The following BICD1 variants were observed in gnomAD, a reference collection of about 807,000 sequenced individuals.
BICD1 encodes the protein BICD cargo adaptor 1, also known as protein bicaudal D homolog 1.
A neutral mutation model predicts 92.5 loss-of-function variants in BICD1; 35 were observed. The observed-to-expected ratio is 0.38, with a 90% CI of 0.29 to 0.50. BICD1 has a LOEUF of 0.50. Ranked by LOEUF, BICD1 falls within the 20% of genes least tolerant of loss-of-function variation. BICD1 has a pLI of 0.93. For synonymous variants in BICD1, 429 were observed against 465.1 expected (o/e 0.92, Z 1.00); for missense variants, 950 against 1,189.8 (o/e 0.80, Z 2.97).
chr12:32,265,344 G>C (rs1946962465), intron 2 of BICD1, among the ~76,000 whole-genome samples: 1 of 151,990 alleles, frequency 6.6e-6, no homozygotes, highest in South Asian at 2.1e-4. Context: ...CGAATGTCTT[G>C]GTTAAAGGAG....
chr12:32,146,074 C>A (rs992037003), intron 1 of BICD1, among the ~76,000 whole-genome samples: 1 of 152,196 alleles, frequency 6.6e-6, no homozygotes, highest in African/African-American at 2.4e-5. Flanking sequence ...TTAGAAATGA[C>A]ATATACATAT....
chr12:32,322,861 G>A lies in BICD1; in HGVS notation c.1006-4600G>A, dbSNP rs562815115. On this transcript the variant is annotated intron_variant, in intron 4 of 9. Transcript: ENST00000652176. ...AGACACATTCAGTACATTTTGTTTT[G>A]ATCCAATATTTATTTGATCCAGAGG... is the stretch of plus-strand genomic sequence containing the variant. Among the ~76,000 whole-genome samples the A allele has an allele frequency of 3.9e-5, 6 of 152,262 alleles. No homozygotes were observed. The East Asian group carries it at 9.6e-4, about 24-fold the overall frequency.
Position 32,195,071 on chromosome 12 carries a change from C to T in BICD1, c.214-21176C>T, listed in dbSNP as rs111431391. 3.6e-3 allele frequency among the ~76,000 whole-genome samples: 460 copies of T among 126,652 alleles called. 2 individuals carry two copies. Among genetic ancestry groups the T allele is most frequent in the African/African-American group, 0.012 (400 of 33,276 alleles). 83.1% of individuals were successfully genotyped at this position (126,652 alleles called of 152,430 possible). The stretch of plus-strand genomic sequence containing the variant: ...CATGATTGTGCCACTGCACTGCAGC[C>T]TGTGTGACAGAGTGAGACCAAAAAA... On this transcript the variant is annotated intron_variant, in intron 1 of 9. Transcript: ENST00000652176.
At chr12:32,349,765 A>C (rs1268467258) in intron 8 of BICD1, among the ~76,000 whole-genome samples, 1 of 152,222 alleles carries the variant, frequency 6.6e-6, no homozygotes, top group African/African-American at 2.4e-5. Flanking sequence ...TGATGATTTA[A>C]AGTGACTGTG....
chr12:32,290,172 C>T (rs543835227), intron 2 of BICD1, among the ~76,000 whole-genome samples: 1 of 118,658 alleles, frequency 8.4e-6, no homozygotes, highest in South Asian at 3.0e-4. Context: ...AATGAGGTTA[C>T]ATATAGTAGG....
At chr12:32,167,285 T>A (rs1943796403) in intron 1 of BICD1, among the ~76,000 whole-genome samples, 1 of 152,204 alleles carries the variant, frequency 6.6e-6, no homozygotes, top group African/African-American at 2.4e-5. Flanking sequence ...AAAAATAAAT[T>A]GCTTATCAAT....
chr12:32,209,970 T>C (rs1945165794), intron 1 of BICD1, among the ~76,000 whole-genome samples: 1 of 152,250 alleles, frequency 6.6e-6, no homozygotes, highest in South Asian at 2.1e-4. Flanking sequence ...GTGTGGCAAC[T>C]GGGCATATTG....
At chr12:32,143,247 C>T (rs1943002248) in intron 1 of BICD1, among the ~76,000 whole-genome samples, 1 of 152,170 alleles carries the variant, frequency 6.6e-6, no homozygotes, top group Non-Finnish European at 1.5e-5. Context: ...AATAGAATAT[C>T]ATAAGCACCG....
chr12:32,193,139 A>G (rs1260625942), intron 1 of BICD1, among the ~76,000 whole-genome samples: 1 of 152,210 alleles, frequency 6.6e-6, no homozygotes, highest in African/African-American at 2.4e-5. Flanking sequence ...TTACAGAGAA[A>G]TCTTTCACGA....
In BICD1 at chr12:32,367,751, T is replaced by C. The variant is rs1939580148; in HGVS notation, c.2840+6T>C. 6.2e-7 allele frequency: 1 copy of C among 1,612,734 alleles called. No individual in the cohort carries two copies. The highest frequency in any genetic ancestry group is 1.3e-5 in the African/African-American group (1 of 75,032). On this transcript the variant is annotated splice_donor_region_variant and intron_variant, in intron 9 of 9. Transcript: ENST00000652176. ...CAAGACTGCCCAACTGTCAGGTAAA[T>C]TCAGATGTCCTTTCCCTTCCACCCA... is the stretch of plus-strand genomic sequence containing the variant.
intron 5 of BICD1, among the ~76,000 whole-genome samples, chr12:32,330,333 C>T (rs752554880): frequency 6.8e-4 from 102 of 149,618 alleles, no homozygotes; most frequent in Non-Finnish European, 1.2e-3. Context: ...GACAAAAAAC[C>T]GAACACCACA....
Position 32,275,986 on chromosome 12 carries a change from G to A in BICD1, c.427-18008G>A, listed in dbSNP as rs190019015. Among the ~76,000 whole-genome samples the A allele has an allele frequency of 3.5e-4, 53 of 152,032 alleles. No individual in the cohort carries two copies. In the East Asian group the frequency reaches 7.1e-3, roughly 20 times the overall value. On this transcript the variant is annotated intron_variant, in intron 2 of 9. Transcript: ENST00000652176. ...GAGGCTTGCCACCATCTTGGAAGCCGCCCACCACCATCTTGGAAGCGGCTT... is the reference window on the plus strand; with the variant it reads ...GAGGCTTGCCACCATCTTGGAAGCCACCCACCACCATCTTGGAAGCGGCTT...
intron 1 of BICD1, among the ~76,000 whole-genome samples, chr12:32,198,225 T>C (rs1358604334): frequency 6.6e-6 from 1 of 150,526 alleles, no homozygotes; most frequent in Non-Finnish European, 1.5e-5. Flanking sequence ...AAAAAAATTA[T>C]ACTGATGATT....
intron 2 of BICD1, among the ~76,000 whole-genome samples, chr12:32,238,087 C>T (rs2136074817): frequency 6.6e-6 from 1 of 152,174 alleles, no homozygotes; most frequent in African/African-American, 2.4e-5. Context: ...GATTCCAAAC[C>T]TCATGGTGAC....
intron 9 of BICD1, among the ~76,000 whole-genome samples, chr12:32,375,689 A>G (rs987176157): frequency 1.3e-5 from 2 of 152,200 alleles, no homozygotes; most frequent in African/African-American, 4.8e-5. Context: ...CTTTTAAACT[A>G]TATTTACAGC....
intron 2 of BICD1, among the ~76,000 whole-genome samples, chr12:32,263,708 G>A (rs1269304994): frequency 2.0e-5 from 3 of 152,122 alleles, no homozygotes; most frequent in African/African-American, 4.8e-5. Context: ...AGTAAATTGA[G>A]ACTCAGAATG....
intron 4 of BICD1, among the ~76,000 whole-genome samples, chr12:32,324,438 T>C (rs901108810): frequency 6.6e-6 from 1 of 152,186 alleles, no homozygotes; most frequent in Non-Finnish European, 1.5e-5. Flanking sequence ...ATTTCTAAGT[T>C]TGGATCACCT....
At chr12:32,118,891 G>A (rs552074097) in intron 1 of BICD1, among the ~76,000 whole-genome samples, 37 of 152,326 alleles carry the variant, frequency 2.4e-4, no homozygotes, top group African/African-American at 8.9e-4. Context: ...GAGATACAGC[G>A]TTGAACAAGA....
At chr12:32,134,352 C>A (rs1352822352) in intron 1 of BICD1, among the ~76,000 whole-genome samples, 1 of 152,124 alleles carries the variant, frequency 6.6e-6, no homozygotes, top group Non-Finnish European at 1.5e-5. Context: ...CTGATATGAT[C>A]TTTGTATGAA....
Sources: allele counts gnomAD v4.1 joint callset (sites outside exome capture counted in the v4.1 genomes callset), GRCh38; gene constraint gnomAD v4.1.1; transcripts MANE v1.5; gene names NCBI Gene and HGNC (gene_info 2026-07-23, HGNC 2026-07-21).